Variants in XYLT1 observed in about 807,000 individuals in gnomAD.
XYLT1 encodes xylosyltransferase 1.
A neutral mutation model predicts 91.3 loss-of-function variants in XYLT1; 36 were observed. The observed-to-expected ratio is 0.39, with a 90% CI of 0.30 to 0.52. The LOEUF is 0.52. Ranked by LOEUF, XYLT1 falls within the 20% of genes least tolerant of loss-of-function variation. XYLT1 has a pLI of 0.68. For missense variants in XYLT1, 1,242 were observed against 1,284.5 expected (o/e 0.97, Z 0.51); for synonymous variants, 588 against 532.0 (o/e 1.11, Z -1.45).
chr16:17,233,739 G>A (rs549963485), intron 3 of XYLT1, among the ~76,000 whole-genome samples: 2 of 152,236 alleles, frequency 1.3e-5, no homozygotes, highest in African/African-American at 2.4e-5. Context: ...CTCAAGGCAA[G>A]GGAGCCTGGG....
At chr16:17,255,124 G>A (rs2033611245) in intron 3 of XYLT1, among the ~76,000 whole-genome samples, 1 of 151,296 alleles carries the variant, frequency 6.6e-6, no homozygotes, top group South Asian at 2.1e-4. Flanking sequence ...AGCCTCTAGA[G>A]TAGCTGGGAT....
chr16:17,181,929 C>A (rs1022389670), intron 5 of XYLT1, among the ~76,000 whole-genome samples: 2 of 152,112 alleles, frequency 1.3e-5, no homozygotes. Context: ...GACCAAGCAT[C>A]CTGGTCCCAA....
At chr16:17,395,920 G>C (rs1221149631) in intron 1 of XYLT1, among the ~76,000 whole-genome samples, 1 of 152,096 alleles carries the variant, frequency 6.6e-6, no homozygotes, top group African/African-American at 2.4e-5. Context: ...AATCAGCCAA[G>C]GGGGGCTGTG....
intron 2 of XYLT1, among the ~76,000 whole-genome samples, chr16:17,344,002 C>T: frequency 6.6e-6 from 1 of 152,160 alleles, no homozygotes; most frequent in East Asian, 1.9e-4. Context: ...TTGATTTTTA[C>T]ACATTCTCTG....
chr16:17,431,268 G>A lies in XYLT1; in HGVS notation c.363+39166C>T, dbSNP rs190502068. Among the ~76,000 whole-genome samples the A allele has an allele frequency of 8.9e-4, 136 of 152,250 alleles. 1 individual carries two copies. The highest frequency in any genetic ancestry group is 3.1e-3 in the African/African-American group (128 of 41,548). On this transcript the variant is annotated intron_variant, in intron 1 of 11. Transcript: ENST00000261381. ...ATTTTGCTGACCTATGGCTTAGAGC[G>A]GCGCTTCTCAAACTTCACGTGCACA... is the stretch of plus-strand genomic sequence containing the variant.
At chr16:17,280,078 T>A (rs1301223168) in intron 2 of XYLT1, among the ~76,000 whole-genome samples, 2 of 152,106 alleles carry the variant, frequency 1.3e-5, no homozygotes, top group Non-Finnish European at 2.9e-5. Context: ...AGGCTGGGCG[T>A]GGTGGCTCAT....
chr16:17,377,676 C>T (rs2035620654), intron 1 of XYLT1, among the ~76,000 whole-genome samples: 1 of 152,126 alleles, frequency 6.6e-6, no homozygotes, highest in Non-Finnish European at 1.5e-5. Flanking sequence ...CAAACATAAC[C>T]AGAATAGTCA....
intron 5 of XYLT1, among the ~76,000 whole-genome samples, chr16:17,165,696 A>G (rs1331166983): frequency 6.6e-6 from 1 of 152,176 alleles, no homozygotes; most frequent in African/African-American, 2.4e-5. Context: ...CTGCCTCAAA[A>G]AACAAACAAA....
intron 9 of XYLT1, among the ~76,000 whole-genome samples, chr16:17,129,661 TG>T (rs2030397988): frequency 3.9e-5 from 6 of 152,356 alleles, no homozygotes; most frequent in African/African-American, 1.4e-4. Context: ...TTGGGAAAGC[TG>T]TCTCCCAACC....
At chr16:17,292,744 T>C (rs764476067) in intron 2 of XYLT1, among the ~76,000 whole-genome samples, 8 of 152,242 alleles carry the variant, frequency 5.3e-5, no homozygotes, top group Non-Finnish European at 1.0e-4. Context: ...TGTGTTGACA[T>C]CATCCCTGTT....
chr16:17,466,382 G>A (rs566013554), intron 1 of XYLT1, among the ~76,000 whole-genome samples: 1 of 152,236 alleles, frequency 6.6e-6, no homozygotes, highest in South Asian at 2.1e-4. Context: ...CGGGGTGTGG[G>A]GGGCAGACTC....
chr16:17,366,306 C>A (rs2035453788), intron 1 of XYLT1, among the ~76,000 whole-genome samples: 2 of 152,214 alleles, frequency 1.3e-5, no homozygotes. Flanking sequence ...CCTAAGGTCA[C>A]ATAGCTAGTC....
At chr16:17,271,197 G>T (rs2033884425) in intron 2 of XYLT1, among the ~76,000 whole-genome samples, 1 of 152,124 alleles carries the variant, frequency 6.6e-6, no homozygotes. Context: ...CCCGAAGGCT[G>T]GCCTCTTCTT....
At chr16:17,443,963 C>T (rs185047367) in intron 1 of XYLT1, among the ~76,000 whole-genome samples, 172 of 152,268 alleles carry the variant, frequency 1.1e-3, no homozygotes, top group African/African-American at 3.6e-3. Flanking sequence ...CATATTTTCA[C>T]CCACTGACCC....
chr16:17,313,020 C>T (rs1163739874), intron 2 of XYLT1, among the ~76,000 whole-genome samples: 2 of 152,362 alleles, frequency 1.3e-5, no homozygotes, highest in East Asian at 3.9e-4. Flanking sequence ...GAGGGCATGT[C>T]CGCCCAGGGC....
chr16:17,236,574 G>T (rs994139565), intron 3 of XYLT1, among the ~76,000 whole-genome samples: 1 of 152,180 alleles, frequency 6.6e-6, no homozygotes, highest in Non-Finnish European at 1.5e-5. Context: ...CAGCTGGGGG[G>T]CTTAAACAGC....
At chr16:17,137,669 A>ATTGTTAGGCTGCCCAGAGACAGCTGT (rs2030791389) in intron 8 of XYLT1, 1 of 152,236 alleles carries the variant, frequency 6.6e-6, no homozygotes, top group Non-Finnish European at 1.5e-5. Flanking sequence ...AGAACTGTAA[A>ATTGTTAGGCTGCCCAGAGACAGCTGT]TTGTTAGGCT....
At chr16:17,152,781 A>G (rs1045831043) in intron 6 of XYLT1, among the ~76,000 whole-genome samples, 6 of 152,154 alleles carry the variant, frequency 3.9e-5, no homozygotes, top group Non-Finnish European at 7.3e-5. Context: ...ACTTCTCTAT[A>G]CCACTTCTGA....
chr16:17,305,862 C>T (rs1389897612), intron 2 of XYLT1, among the ~76,000 whole-genome samples: 10 of 152,172 alleles, frequency 6.6e-5, no homozygotes, highest in African/African-American at 2.4e-4. Context: ...TTCAGATTCC[C>T]CTTCCCCTGA....
Sources: gnomAD v4.1 joint callset for allele counts (sites outside exome capture counted in the v4.1 genomes callset) on GRCh38, gnomAD v4.1.1 for gene constraint, MANE v1.5 for transcripts, NCBI Gene and HGNC (gene_info 2026-07-23, HGNC 2026-07-21) for gene names.